The following TRPM3 variants were observed in gnomAD, a reference collection of about 807,000 sequenced individuals.
TRPM3 encodes long transient receptor potential channel 3.
TRPM3 carries 77 observed loss-of-function variants against 181.2 expected under a neutral mutation model. The ratio of observed to expected loss-of-function variants is 0.42; its 90% CI spans 0.35 to 0.51. TRPM3 has a LOEUF of 0.51. TRPM3 is among the 20% of genes least tolerant of loss of function. The pLI is 0.01. For missense variants in TRPM3, 1,759 were observed against 2,196.7 expected (o/e 0.80, Z 3.98); for synonymous variants, 745 against 796.4 (o/e 0.94, Z 1.09).
chr9:71,117,927 A>G (rs2072784786), intron 1 of TRPM3, among the ~76,000 whole-genome samples: 1 of 152,176 alleles, frequency 6.6e-6, no homozygotes, highest in Admixed American at 6.6e-5. Flanking sequence ...TCTCTGCCCT[A>G]AAAATAATCT....
At chr9:71,170,787 G>A (rs1402357610) in intron 1 of TRPM3, among the ~76,000 whole-genome samples, 1 of 152,112 alleles carries the variant, frequency 6.6e-6, no homozygotes, top group Non-Finnish European at 1.5e-5. Context: ...TGCACAAATT[G>A]TACAGCATGT....
intron 6 of TRPM3, among the ~76,000 whole-genome samples, chr9:70,791,558 C>G (rs1168973174): frequency 6.6e-6 from 1 of 152,180 alleles, no homozygotes; most frequent in Non-Finnish European, 1.5e-5. Flanking sequence ...AATGAACCCC[C>G]TCTATGTACA....
intron 1 of TRPM3, among the ~76,000 whole-genome samples, chr9:71,162,199 C>CAAAAAAAAAAA (rs35947110): frequency 1.6e-4 from 12 of 74,240 alleles, no homozygotes; most frequent in South Asian, 1.3e-3. Context: ...GACTCTGTCT[C>CAAAAAAAAAAA]AAAAAAAAAA....
At chr9:71,417,796 C>T (rs1219350056) in intron 1 of TRPM3, among the ~76,000 whole-genome samples, 1 of 151,860 alleles carries the variant, frequency 6.6e-6, no homozygotes. Context: ...ATGATTATTC[C>T]AAAAGCCAAA....
intron 1 of TRPM3, among the ~76,000 whole-genome samples, chr9:71,279,286 G>C (rs2084507587): frequency 6.6e-6 from 1 of 151,976 alleles, no homozygotes; most frequent in African/African-American, 2.4e-5. Flanking sequence ...CCACTGGGTA[G>C]AAAATATACT....
At chr9:70,851,632 T>G (rs2095233336) in intron 3 of TRPM3, among the ~76,000 whole-genome samples, 1 of 152,170 alleles carries the variant, frequency 6.6e-6, no homozygotes, top group African/African-American at 2.4e-5. Flanking sequence ...TACAAAGCTG[T>G]GTTCATTATC....
rs543627147 is a variant in TRPM3 at position 70,626,318 on chromosome 9, C to A, written c.1633-801G>T. 9.2e-5 allele frequency among the ~76,000 whole-genome samples: 14 copies of A among 152,246 alleles called. No individual in the cohort carries two copies. The East Asian group carries it at 2.7e-3, about 29-fold the overall frequency. On this transcript the variant is annotated intron_variant, in intron 12 of 25. Transcript: ENST00000677713. ...AATCCACTCTCACTGCCTGGTGTAG[C>A]TCCTTCTTGCGGGAGAGCGCTCTAT...
At chr9:70,568,347 T>C (rs2051210842) in intron 22 of TRPM3, among the ~76,000 whole-genome samples, 1 of 152,200 alleles carries the variant, frequency 6.6e-6, no homozygotes, top group East Asian at 1.9e-4. Context: ...GATGCACACA[T>C]CAAATTCTAT....
At chr9:71,430,789 T>C (rs1821071) in intron 1 of TRPM3, among the ~76,000 whole-genome samples, 137,556 of 152,076 alleles carry the variant, frequency 0.9, 62,242 homozygotes, top group East Asian at 0.92. Context: ...CCAACCTGGG[T>C]GAGAGAGCGA....
chr9:70,792,661 C>CAGAGAGAGAG lies in TRPM3; in HGVS notation c.974-8392_974-8383dup, dbSNP rs9314786. 1.4e-3 allele frequency among the ~76,000 whole-genome samples: 199 copies of CAGAGAGAGAG among 147,160 alleles called. 2 individuals are homozygous for CAGAGAGAGAG. Among genetic ancestry groups the CAGAGAGAGAG allele is most frequent in the African/African-American group, 4.8e-3 (191 of 39,836 alleles). ...AGAAAGAGGTGGAGAGACAGAAAGA[C>CAGAGAGAGAG]AGAGAGAGAGAGAGAGAGAGAGAGA... is the stretch of plus-strand genomic sequence containing the variant. On this transcript the variant is annotated intron_variant, in intron 6 of 25. Coordinates refer to ENST00000677713, the MANE Select transcript of TRPM3 (RefSeq NM_001366145.2).
chr9:71,208,669 T>C (rs1325706797), intron 1 of TRPM3, among the ~76,000 whole-genome samples: 1 of 152,188 alleles, frequency 6.6e-6, no homozygotes, highest in Non-Finnish European at 1.5e-5. Flanking sequence ...CAGAAAAGAA[T>C]ATGAAAGTTT....
At chr9:71,358,503 CT>C (rs1449316852) in intron 1 of TRPM3, among the ~76,000 whole-genome samples, 1 of 152,194 alleles carries the variant, frequency 6.6e-6, no homozygotes, top group East Asian at 1.9e-4. Context: ...TTCCAAAAAT[CT>C]AGGGCTGCAA....
At chr9:70,639,966 C>T (rs1178141268) in intron 10 of TRPM3, among the ~76,000 whole-genome samples, 1 of 152,176 alleles carries the variant, frequency 6.6e-6, no homozygotes, top group Non-Finnish European at 1.5e-5. Context: ...TGCTGGGCTG[C>T]CTCCTGTGGA....
At chr9:71,092,108 A>T (rs2066322549) in intron 1 of TRPM3, among the ~76,000 whole-genome samples, 1 of 152,186 alleles carries the variant, frequency 6.6e-6, no homozygotes, top group Non-Finnish European at 1.5e-5. Context: ...GCAAGCTTCT[A>T]GCCCAGCCTC....
chr9:71,108,759 G>A (rs1231807587), intron 1 of TRPM3, among the ~76,000 whole-genome samples: 3 of 152,164 alleles, frequency 2.0e-5, no homozygotes, highest in Non-Finnish European at 4.4e-5. Flanking sequence ...CTTCATTTCA[G>A]TCATTGGTAT....
upstream of TRPM3, among the ~76,000 whole-genome samples, chr9:71,126,170 C>T (rs1462651468): frequency 6.6e-6 from 1 of 152,030 alleles, no homozygotes; most frequent in African/African-American, 2.4e-5. Context: ...AGATCAAAAC[C>T]ACAATGAGAT....
At chr9:70,588,149 G>A (rs1157817306) in intron 22 of TRPM3, among the ~76,000 whole-genome samples, 1 of 152,086 alleles carries the variant, frequency 6.6e-6, no homozygotes, top group Non-Finnish European at 1.5e-5. Context: ...TCTTTCCTTT[G>A]GGTTTAGTTT....
At chr9:70,586,653 C>A (rs954131351) in intron 22 of TRPM3, among the ~76,000 whole-genome samples, 2 of 152,230 alleles carry the variant, frequency 1.3e-5, no homozygotes, top group African/African-American at 4.8e-5. Flanking sequence ...ACACTCCCCA[C>A]GCTATAGCTG....
At chr9:70,580,343 A>G (rs908863053) in intron 22 of TRPM3, among the ~76,000 whole-genome samples, 1 of 152,220 alleles carries the variant, frequency 6.6e-6, no homozygotes, top group African/African-American at 2.4e-5. Flanking sequence ...AGCCCTTTAC[A>G]GCAATCTGCC....
Sources: gnomAD v4.1 joint callset for allele counts (sites outside exome capture counted in the v4.1 genomes callset) on GRCh38, gnomAD v4.1.1 for gene constraint, MANE v1.5 for transcripts, NCBI Gene and HGNC (gene_info 2026-07-23, HGNC 2026-07-21) for gene names.